The following SLC7A1 variants were observed in gnomAD, a reference collection of about 807,000 sequenced individuals.
SLC7A1 encodes the protein solute carrier family 7 member 1.
SLC7A1 carries 10 observed loss-of-function variants against 53.9 expected under a neutral mutation model. The ratio of observed to expected loss-of-function variants is 0.19; its 90% confidence interval spans 0.11 to 0.31. The LOEUF (loss-of-function observed/expected upper bound fraction) is 0.31. Among genes scored for constraint, SLC7A1 ranks in the 10% least tolerant of loss-of-function variants. The probability of loss-of-function intolerance (pLI) is 1.00; values close to 1 mark genes in which losing one functional copy is unlikely to be tolerated. For synonymous variants in SLC7A1, 342 were observed against 338.7 expected (o/e 1.01, Z -0.11); for missense variants, 525 against 827.2 (o/e 0.63, Z 4.48).
Position 29,517,260 on chromosome 13 carries a change from G to A in SLC7A1, c.1561C>T (p.Leu521Phe). 1 of 1,613,482 alleles carries A rather than the reference G, an allele frequency of 6.2e-7. No individual in the cohort carries two copies. The highest frequency in any genetic ancestry group is 8.5e-7 in the Non-Finnish European group (1 of 1,179,784). Residue 521 changes from leucine to phenylalanine, a missense_variant, in exon 11 of 13, where the codon CTC (leucine) becomes TTC (phenylalanine). By Grantham distance (22) the Leu-to-Phe change is conservative (BLOSUM62 0). Around this residue, in one of 4 missense-constraint regions of SLC7A1, gnomAD observed 122 missense variants for 140.9 expected, o/e 0.87. Coordinates refer to ENST00000380752, the MANE Select transcript of SLC7A1 (RefSeq NM_003045.5). ...ACTGCCCACAGCGCCCCTTTGGTGA[G>A]AGCCTCCCTTCCAAGCACGGTCACA... The part of the protein sequence containing the change: ...CIVTVLGREA[L>F]TKGALWAVFL...
At chr13:29,559,682 T>C (rs1161869373) in intron 1 of SLC7A1, among the ~76,000 whole-genome samples, 1 of 152,024 alleles carries the variant, frequency 6.6e-6, no homozygotes, top group Non-Finnish European at 1.5e-5. Context: ...AAGCTTAGCT[T>C]ACCGCAACAT....
At chr13:29,523,849 G>A (rs1037426834) in intron 6 of SLC7A1, among the ~76,000 whole-genome samples, 1 of 152,234 alleles carries the variant, frequency 6.6e-6, no homozygotes, top group Non-Finnish European at 1.5e-5. Flanking sequence ...CCTCCCGGAA[G>A]ACGCTCAGAT....
chr13:29,519,411 C>T, intron 9 of SLC7A1, 36 bp downstream of exon 9: 3 of 1,243,428 alleles, frequency 2.4e-6, no homozygotes, highest in Non-Finnish European at 3.5e-6. Flanking sequence ...GGTGCATCTG[C>T]ATTTCTGTCA....
rs1362803549 is a variant in SLC7A1 at position 29,532,905 on chromosome 13, T to C, written c.448A>G (p.Thr150Ala). ...IGRPIGEFSR[T>A]HMTLNAPGVL... Reference sequence around the variant, plus strand: ...CCGGGGGCGTTCAGAGTCATGTGTGTCCGTGAGAACTCCCCGATGGGTCTG... The same window carrying C: ...CCGGGGGCGTTCAGAGTCATGTGTGCCCGTGAGAACTCCCCGATGGGTCTG... Residue 150 changes from threonine (T) to alanine (A), a missense_variant, in exon 4 of 13, where the codon ACA becomes GCA. Thr to Ala is a moderately conservative substitution (Grantham distance 58, BLOSUM62 0). This residue lies in a region of SLC7A1 where 354 missense variants were observed against 587.5 expected (regional missense o/e 0.60). Transcript: ENST00000380752. 1 of 1,614,156 alleles carries C rather than the reference T, an allele frequency of 6.2e-7. No individual in the cohort carries two copies. Among genetic ancestry groups the C allele is most frequent in the Non-Finnish European group, 8.5e-7 (1 of 1,180,016 alleles).
intron 1 of SLC7A1, among the ~76,000 whole-genome samples, chr13:29,571,680 C>T (rs1055487758): frequency 1.3e-5 from 2 of 152,244 alleles, no homozygotes; most frequent in Non-Finnish European, 2.9e-5. Flanking sequence ...GCGGCTTCTC[C>T]AATTTCTTCC....
chr13:29,563,485 AC>A (rs1870846374), intron 1 of SLC7A1, among the ~76,000 whole-genome samples: 1 of 152,226 alleles, frequency 6.6e-6, no homozygotes, highest in African/African-American at 2.4e-5. Context: ...CCTGGAGAAC[AC>A]CCTCGATGTC....
At chr13:29,562,250 A>G (rs912366950) in intron 1 of SLC7A1, among the ~76,000 whole-genome samples, 1 of 152,222 alleles carries the variant, frequency 6.6e-6, no homozygotes, top group African/African-American at 2.4e-5. Flanking sequence ...GAGAATGTCA[A>G]TAGTTCTTCC....
chr13:29,585,485 T>C (rs1871840639), intron 1 of SLC7A1, among the ~76,000 whole-genome samples: 1 of 152,220 alleles, frequency 6.6e-6, no homozygotes, highest in Non-Finnish European at 1.5e-5. Flanking sequence ...TTTATCTATA[T>C]ATCAATATGT....
chr13:29,538,710 G>A (rs549690888), intron 2 of SLC7A1, among the ~76,000 whole-genome samples: 9 of 152,336 alleles, frequency 5.9e-5, no homozygotes, highest in East Asian at 1.9e-4. Flanking sequence ...ACAACAAAGC[G>A]TTTAGTAAAC....
chr13:29,516,896 C>T (rs934958008), intron 11 of SLC7A1: 5 of 427,402 alleles, frequency 1.2e-5, no homozygotes, highest in Non-Finnish European at 2.1e-5. Flanking sequence ...TGGCCTGTGT[C>T]ATGCAGGAAG....
At chr13:29,524,891 C>T (rs957460734) in intron 5 of SLC7A1, among the ~76,000 whole-genome samples, 17 of 152,196 alleles carry the variant, frequency 1.1e-4, no homozygotes, top group African/African-American at 4.1e-4. Context: ...GCACAGTTTA[C>T]AAACTCAGGA....
chr13:29,539,275 C>T (rs2139111223), intron 2 of SLC7A1, among the ~76,000 whole-genome samples: 1 of 152,310 alleles, frequency 6.6e-6, no homozygotes, highest in South Asian at 2.1e-4. Flanking sequence ...CCCAGACACA[C>T]TCCAGTTAAC....
At chr13:29,578,567 G>A (rs141958032) in intron 1 of SLC7A1, among the ~76,000 whole-genome samples, 101 of 152,310 alleles carry the variant, frequency 6.6e-4, no homozygotes, top group South Asian at 2.1e-3. Context: ...GAGCCCAGCC[G>A]TGGTTCAAAA....
At chr13:29,561,463 G>A (rs1870751361) in intron 1 of SLC7A1, among the ~76,000 whole-genome samples, 1 of 152,204 alleles carries the variant, frequency 6.6e-6, no homozygotes, top group African/African-American at 2.4e-5. Flanking sequence ...GAACAGCCCA[G>A]GCAGCTCCCG....
At chr13:29,516,973 G>C (rs1368127188) in intron 11 of SLC7A1, 171 bp downstream of exon 11, 1 of 557,552 alleles carries the variant, frequency 1.8e-6, no homozygotes, top group Non-Finnish European at 3.1e-6. Context: ...TCCTTCCAGG[G>C]TCTGGTCCTC....
chr13:29,546,648 C>T (rs1869934844), intron 2 of SLC7A1, among the ~76,000 whole-genome samples: 2 of 152,192 alleles, frequency 1.3e-5, no homozygotes, highest in African/African-American at 4.8e-5. Context: ...CTGGGAACAC[C>T]TTAATCCATA....
At chr13:29,536,491 A>T (rs573321875) in intron 2 of SLC7A1, among the ~76,000 whole-genome samples, 1 of 152,298 alleles carries the variant, frequency 6.6e-6, no homozygotes, top group African/African-American at 2.4e-5. Flanking sequence ...AGACTCTTCC[A>T]TGGGTGGAAA....
intron 1 of SLC7A1, among the ~76,000 whole-genome samples, chr13:29,570,905 C>T (rs542548167): frequency 2.0e-5 from 3 of 152,010 alleles, no homozygotes; most frequent in Non-Finnish European, 4.4e-5. Context: ...CTTTGAGTCT[C>T]CCTTTTCTCC....
At chr13:29,542,842 G>A (rs994267468) in intron 2 of SLC7A1, among the ~76,000 whole-genome samples, 22 of 152,030 alleles carry the variant, frequency 1.4e-4, no homozygotes, top group Non-Finnish European at 2.8e-4. Context: ...TGCAGTGAGC[G>A]GCAGAGAAAG....
Sources: gnomAD v4.1 joint callset for allele counts (sites outside exome capture counted in the v4.1 genomes callset) on GRCh38, gnomAD v4.1.1 for gene constraint, gnomAD v4.1.1 regional missense constraint, MANE v1.5 for transcripts, NCBI Gene and HGNC (gene_info 2026-07-23, HGNC 2026-07-21) for gene names.